The following SDK2 variants were observed in gnomAD, a reference collection of about 807,000 sequenced individuals.
The protein encoded by SDK2 is sidekick cell adhesion molecule 2.
Under a neutral mutation model 253.9 loss-of-function variants are expected in SDK2, and 105 were observed. The ratio of observed to expected loss-of-function variants is 0.41; its 90% confidence interval spans 0.35 to 0.49. The LOEUF (loss-of-function observed/expected upper bound fraction) is 0.49, where lower values mean the gene tolerates loss of function less well. SDK2 is among the 20% of genes least tolerant of loss of function. SDK2 has a pLI of 0.06. For synonymous variants in SDK2, 1,249 were observed against 1,234.9 expected (o/e 1.01, Z -0.24); for missense variants, 2,608 against 3,003.0 (o/e 0.87, Z 3.07).
chr17:73,509,826 G>A (rs988088711), intron 1 of SDK2, among the ~76,000 whole-genome samples: 2 of 145,604 alleles, frequency 1.4e-5, no homozygotes, highest in Non-Finnish European at 3.0e-5. Context: ...CTTAAACTCA[G>A]GAGGCGGAGG....
intron 1 of SDK2, among the ~76,000 whole-genome samples, chr17:73,583,452 C>T (rs74523860): frequency 0.014 from 2,091 of 152,244 alleles, 60 homozygotes; most frequent in African/African-American, 0.049. Flanking sequence ...TCTCGTGATG[C>T]ATCCCATCTC....
chr17:73,400,993 A>T (rs1410262977), intron 21 of SDK2, 27 bp downstream of exon 21: 2 of 1,545,238 alleles, frequency 1.3e-6, no homozygotes, highest in Admixed American at 2.0e-5. Context: ...GAACTCAAAG[A>T]GTCCTGCCTT....
At chr17:73,548,116 C>T (rs2044995401) in intron 1 of SDK2, among the ~76,000 whole-genome samples, 1 of 152,196 alleles carries the variant, frequency 6.6e-6, no homozygotes, top group Non-Finnish European at 1.5e-5. Context: ...GATTACAATT[C>T]CACATGAGAT....
rs2063723177 is a variant in SDK2, at chr17:73,481,434, G to A, written c.225-9216C>T. Among the ~76,000 whole-genome samples, 1 of 152,176 alleles carries A rather than the reference G, an allele frequency of 6.6e-6. No homozygotes were observed. Among genetic ancestry groups the A allele is most frequent in the Non-Finnish European group, 1.5e-5 (1 of 68,024 alleles). ...ATGCCTGCCCAGACAGCTGGTAAAG[G>A]ATGGTCTGGGTGTGTCTGTGAGGGT... On this transcript the variant is annotated intron_variant, in intron 2 of 44. Coordinates refer to ENST00000392650, the MANE Select transcript of SDK2 (RefSeq NM_001144952.2). The surrounding 1 kb of genome is among the most constrained non-coding windows in gnomAD (Gnocchi z 4.5).
chr17:73,472,737 C>T (rs749808996), intron 2 of SDK2, among the ~76,000 whole-genome samples: 4 of 152,174 alleles, frequency 2.6e-5, no homozygotes, highest in Non-Finnish European at 5.9e-5. Context: ...TCCTGTAGCT[C>T]GCATAATTCC....
chr17:73,420,746 C>T (rs1420988297), intron 15 of SDK2, among the ~76,000 whole-genome samples: 1 of 152,068 alleles, frequency 6.6e-6, no homozygotes, highest in Non-Finnish European at 1.5e-5. Context: ...CACGATTTCA[C>T]CTCACTGCAA....
chr17:73,388,407 T>G (rs2062892548), intron 29 of SDK2, among the ~76,000 whole-genome samples: 1 of 152,154 alleles, frequency 6.6e-6, no homozygotes, highest in African/African-American at 2.4e-5. Flanking sequence ...TGAGGTTGTT[T>G]CCCTACGAGA....
intron 1 of SDK2, among the ~76,000 whole-genome samples, chr17:73,607,669 G>C (rs2045924447): frequency 6.6e-6 from 1 of 152,096 alleles, no homozygotes. Context: ...CACACCCCAA[G>C]GTTTTCCAGA....
chr17:73,568,881 T>C (rs927148614), intron 1 of SDK2, among the ~76,000 whole-genome samples: 3 of 152,208 alleles, frequency 2.0e-5, no homozygotes, highest in African/African-American at 7.2e-5. Context: ...GCAGGCTTCA[T>C]GTACTTTTGT....
intron 21 of SDK2, 104 bp downstream of exon 21, chr17:73,400,915 TG>T: frequency 1.8e-6 from 2 of 1,134,116 alleles, no homozygotes; most frequent in Non-Finnish European, 1.2e-6. Flanking sequence ...CCCAAGGTGC[TG>T]GGACTACAGG....
intron 1 of SDK2, among the ~76,000 whole-genome samples, chr17:73,532,236 G>A (rs926855236): frequency 1.8e-5 from 2 of 114,004 alleles, no homozygotes; most frequent in African/African-American, 3.4e-5. Flanking sequence ...GATCCAGCAC[G>A]GAATGTCAAC....
chr17:73,441,023 G>A (rs949001542), intron 5 of SDK2, 100 bp from the exon 6 acceptor site: 5 of 889,656 alleles, frequency 5.6e-6, no homozygotes, highest in Admixed American at 5.0e-5. Context: ...TGTCCTTACC[G>A]AGTGGAGCAG....
intron 1 of SDK2, among the ~76,000 whole-genome samples, chr17:73,590,088 C>T (rs569724751): frequency 2.6e-5 from 4 of 152,214 alleles, no homozygotes; most frequent in Non-Finnish European, 4.4e-5. Flanking sequence ...TAAACCCACA[C>T]GGAATCGAAG....
chr17:73,399,683 C>A (rs893865105), intron 21 of SDK2, among the ~76,000 whole-genome samples: 3 of 152,200 alleles, frequency 2.0e-5, no homozygotes, highest in South Asian at 2.1e-4. Context: ...CCCTTCCATC[C>A]GCCCAGACCC....
In SDK2 at chr17:73,476,003, T is replaced by G. The variant is rs543449541; in HGVS notation, c.225-3785A>C. Reference sequence around the variant, plus strand: ...GGCACACGCCTGTAGTCCCAGCTATTCGGGAGGCTGAGGCAGGAGAATCGC... The same window carrying G: ...GGCACACGCCTGTAGTCCCAGCTATGCGGGAGGCTGAGGCAGGAGAATCGC... On this transcript the variant is annotated intron_variant, in intron 2 of 44. Coordinates refer to ENST00000392650, the MANE Select transcript of SDK2 (RefSeq NM_001144952.2). 2.3e-4 allele frequency among the ~76,000 whole-genome samples: 35 copies of G among 152,262 alleles called. No homozygotes were observed. In the South Asian group the frequency reaches 5.0e-3, roughly 22 times the overall value.
At chr17:73,637,234 AAC>A (rs1266553095) in intron 1 of SDK2, among the ~76,000 whole-genome samples, 1 of 152,196 alleles carries the variant, frequency 6.6e-6, no homozygotes, top group Non-Finnish European at 1.5e-5. Flanking sequence ...GTTATGAAGG[AAC>A]ACTAGGCATT....
intron 1 of SDK2, among the ~76,000 whole-genome samples, chr17:73,553,483 C>T (rs566755824): frequency 7.2e-5 from 11 of 152,156 alleles, no homozygotes; most frequent in Non-Finnish European, 1.6e-4. Flanking sequence ...GGTGAGTCAC[C>T]CCCAAGCCCT....
intron 37 of SDK2, among the ~76,000 whole-genome samples, chr17:73,367,054 A>T (rs910425751): frequency 3.3e-5 from 5 of 152,152 alleles, no homozygotes; most frequent in Non-Finnish European, 5.9e-5. Flanking sequence ...CCCAGGCTGG[A>T]GTGCAGTGGT....
intron 1 of SDK2, among the ~76,000 whole-genome samples, chr17:73,623,866 T>C (rs1252849957): frequency 1.3e-5 from 2 of 152,204 alleles, no homozygotes; most frequent in Non-Finnish European, 2.9e-5. Context: ...TCCTGTGCTT[T>C]CCCCCTCCAG....
Sources: allele counts gnomAD v4.1 joint callset (sites outside exome capture counted in the v4.1 genomes callset), GRCh38; gene constraint gnomAD v4.1.1; non-coding constraint Gnocchi (gnomAD v3.1); transcripts MANE v1.5; gene names NCBI Gene and HGNC (gene_info 2026-07-23, HGNC 2026-07-21).